SEMA3A: variants seen among roughly 807,000 people sequenced by gnomAD.
SEMA3A encodes the protein semaphorin 3A.
Under a neutral mutation model 97.9 loss-of-function variants are expected in SEMA3A, and 29 were observed. The observed-to-expected ratio is 0.30, with a 90% CI of 0.22 to 0.40. SEMA3A has a LOEUF of 0.40. Among genes scored for constraint, SEMA3A ranks in the 10% least tolerant of loss-of-function variants. The pLI is 1.00. For synonymous variants in SEMA3A, 321 were observed against 323.7 expected (o/e 0.99, Z 0.09); for missense variants, 763 against 951.3 (o/e 0.80, Z 2.60).
chr7:84,134,493 T>C (rs1337751337), intron 2 of SEMA3A, among the ~76,000 whole-genome samples: 3 of 152,234 alleles, frequency 2.0e-5, no homozygotes, highest in African/African-American at 7.2e-5. Flanking sequence ...AAGTCAATTA[T>C]GATGTATTGC....
intron 5 of SEMA3A, among the ~76,000 whole-genome samples, chr7:84,055,515 T>G (rs999778602): frequency 3.9e-5 from 6 of 152,038 alleles, no homozygotes; most frequent in African/African-American, 9.6e-5. Flanking sequence ...GGGAACTCCC[T>G]GACCCCTTGC....
chr7:84,335,398 A>T (rs1802011485), intron 2 of SEMA3A, among the ~76,000 whole-genome samples: 1 of 152,168 alleles, frequency 6.6e-6, no homozygotes, highest in South Asian at 2.1e-4. Context: ...TTACATTAGC[A>T]AATATAGGTT....
intron 3 of SEMA3A, among the ~76,000 whole-genome samples, chr7:84,256,965 C>CT (rs1027653520): frequency 2.1e-4 from 31 of 151,020 alleles, no homozygotes; most frequent in African/African-American, 7.3e-4. Context: ...TGTTGCTCTT[C>CT]TTTTTTTTTC....
At chr7:84,413,431 C>G (rs1804334542) in intron 1 of SEMA3A, among the ~76,000 whole-genome samples, 1 of 151,988 alleles carries the variant, frequency 6.6e-6, no homozygotes, top group African/African-American at 2.4e-5. Flanking sequence ...AGTTTGAGAC[C>G]AGCCGAGGAA....
chr7:84,408,164 A>C (rs1261797787), intron 1 of SEMA3A, among the ~76,000 whole-genome samples: 2 of 152,218 alleles, frequency 1.3e-5, no homozygotes, highest in Non-Finnish European at 2.9e-5. Context: ...GCTAATATCC[A>C]GAATCTACAA....
chr7:84,467,206 A>G (rs1562957090), intron 1 of SEMA3A, among the ~76,000 whole-genome samples: 1 of 152,054 alleles, frequency 6.6e-6, no homozygotes, highest in African/African-American at 2.4e-5. Context: ...TAAGTTGTAG[A>G]CTTCATAAAT....
At chr7:84,348,407 A>G (rs1802356293) in intron 2 of SEMA3A, among the ~76,000 whole-genome samples, 3 of 152,180 alleles carry the variant, frequency 2.0e-5, no homozygotes, top group Admixed American at 2.0e-4. Context: ...TTTTGGTTTA[A>G]GAGATTATTT....
intron 3 of SEMA3A, among the ~76,000 whole-genome samples, chr7:84,289,707 G>A (rs1274400888): frequency 1.3e-5 from 2 of 152,110 alleles, no homozygotes; most frequent in Non-Finnish European, 2.9e-5. Flanking sequence ...GTGGAAAACA[G>A]TGAGGCTATT....
intron 1 of SEMA3A, among the ~76,000 whole-genome samples, chr7:84,428,842 A>C (rs543764911): frequency 3.3e-5 from 5 of 152,228 alleles, no homozygotes; most frequent in African/African-American, 7.2e-5. Flanking sequence ...TCTGGGATTA[A>C]ATTCTTTGAC....
rs559829891 is a variant in SEMA3A, at chr7:84,333,032, A to G, written c.-168-25740T>C. Among the ~76,000 whole-genome samples, 43 of 152,196 alleles carry G rather than the reference A, an allele frequency of 2.8e-4. 1 individual carries two copies. The highest frequency in any genetic ancestry group is 1.0e-3 in the African/African-American group (42 of 41,562). ...TATCAGGACTTGATTTAGGGAGTCA[A>G]TTCATTAGTTATTTAGTTACCTCCA... On this transcript the variant is annotated intron_variant, in intron 2 of 3. Coordinates refer to the SEMA3A transcript ENST00000424555.
chr7:84,437,825 T>C (rs754689087), intron 1 of SEMA3A, among the ~76,000 whole-genome samples: 10 of 152,030 alleles, frequency 6.6e-5, no homozygotes, highest in Non-Finnish European at 1.5e-5. Flanking sequence ...CAGTAGTATA[T>C]AGATGCTGTT....
intron 3 of SEMA3A, among the ~76,000 whole-genome samples, chr7:84,244,375 G>A (rs28884542): frequency 0.08 from 12,088 of 152,034 alleles, 657 homozygotes; most frequent in East Asian, 0.3. Flanking sequence ...TTCTTTGTTC[G>A]TTTAAAGTCT....
At chr7:84,250,776 C>G (rs1334412686) in intron 3 of SEMA3A, among the ~76,000 whole-genome samples, 1 of 152,102 alleles carries the variant, frequency 6.6e-6, no homozygotes, top group Non-Finnish European at 1.5e-5. Flanking sequence ...AAAGTTTCTT[C>G]AAGTGGTTAC....
At chr7:84,146,257 C>T (rs962561892) in intron 1 of SEMA3A, among the ~76,000 whole-genome samples, 3 of 152,092 alleles carry the variant, frequency 2.0e-5, no homozygotes, top group Admixed American at 6.6e-5. Context: ...AAATGGTTAA[C>T]TAGATAATCA....
At chr7:84,472,772 T>C (rs1806185517) in intron 1 of SEMA3A, among the ~76,000 whole-genome samples, 1 of 152,112 alleles carries the variant, frequency 6.6e-6, no homozygotes, top group South Asian at 2.1e-4. Context: ...ATAATCCCAC[T>C]AAACCAAATC....
intron 3 of SEMA3A, among the ~76,000 whole-genome samples, chr7:84,215,956 A>G (rs1413622283): frequency 6.6e-6 from 1 of 152,212 alleles, no homozygotes; most frequent in East Asian, 1.9e-4. Flanking sequence ...ATTACCTCAA[A>G]ATGAGAAATG....
chr7:83,995,568 A>T (rs964464281), intron 12 of SEMA3A, among the ~76,000 whole-genome samples: 2 of 152,194 alleles, frequency 1.3e-5, no homozygotes, highest in Non-Finnish European at 1.5e-5. Flanking sequence ...TTATGATGAC[A>T]TTCATTTAAA....
intron 3 of SEMA3A, among the ~76,000 whole-genome samples, chr7:84,126,927 T>A (rs764809931): frequency 8.5e-5 from 13 of 152,176 alleles, no homozygotes; most frequent in Non-Finnish European, 1.8e-4. Flanking sequence ...TCTGGGTTCT[T>A]ACTTCATTGT....
intron 1 of SEMA3A, among the ~76,000 whole-genome samples, chr7:84,142,396 G>A (rs1372297022): frequency 2.0e-5 from 3 of 152,098 alleles, no homozygotes; most frequent in African/African-American, 7.2e-5. Context: ...GAAGTTAATA[G>A]GAGTTCATTC....
Sources: gnomAD v4.1 joint callset for allele counts (sites outside exome capture counted in the v4.1 genomes callset) on GRCh38, gnomAD v4.1.1 for gene constraint, MANE v1.5 for transcripts, NCBI Gene and HGNC (gene_info 2026-07-23, HGNC 2026-07-21) for gene names.